Variants in CCSER1 observed in about 807,000 individuals in gnomAD.
CCSER1 encodes coiled-coil serine rich protein 1.
In CCSER1, 41 loss-of-function variants were observed where a neutral mutation model predicts 82.0. The observed-to-expected ratio is 0.50, with a 90% CI of 0.39 to 0.65. CCSER1 has a LOEUF of 0.65. Ranked by LOEUF, CCSER1 falls within the 30% of genes least tolerant of loss-of-function variation. The pLI is 0.00. For synonymous variants in CCSER1, 414 were observed against 383.9 expected (o/e 1.08, Z -0.92); for missense variants, 1,119 against 1,064.2 (o/e 1.05, Z -0.72).
chr4:90,137,187 A>G (rs1374317708), intron 1 of CCSER1, among the ~76,000 whole-genome samples: 4 of 152,236 alleles, frequency 2.6e-5, no homozygotes, highest in Admixed American at 2.6e-4. Context: ...CTTAAAAATT[A>G]AAGTACAGAT....
At chr4:90,158,159 G>T (rs1445981987) in intron 1 of CCSER1, among the ~76,000 whole-genome samples, 1 of 148,520 alleles carries the variant, frequency 6.7e-6, no homozygotes, top group Non-Finnish European at 1.5e-5. Flanking sequence ...TGTTTGCCTG[G>T]GTACCAGCCG....
intron 1 of CCSER1, among the ~76,000 whole-genome samples, chr4:90,294,337 C>A (rs958772106): frequency 9.2e-5 from 14 of 151,734 alleles, no homozygotes; most frequent in Admixed American, 2.6e-4. Context: ...ATAGCGAGAC[C>A]CCGTTCTCCA....
At chr4:91,073,353 A>G (rs1185576436) in intron 9 of CCSER1, among the ~76,000 whole-genome samples, 1 of 152,120 alleles carries the variant, frequency 6.6e-6, no homozygotes. Context: ...AGAATTACAA[A>G]TCTTTAAACT....
chr4:91,036,724 A>T (rs1173592094), intron 9 of CCSER1, among the ~76,000 whole-genome samples: 1 of 152,174 alleles, frequency 6.6e-6, no homozygotes, highest in Non-Finnish European at 1.5e-5. Context: ...TAGAATGGAA[A>T]TAAAAAATAA....
At chr4:91,323,267 G>A (rs1040396506) in intron 10 of CCSER1, among the ~76,000 whole-genome samples, 3 of 152,144 alleles carry the variant, frequency 2.0e-5, no homozygotes, top group Non-Finnish European at 4.4e-5. Flanking sequence ...TAGGCAAAGA[G>A]CAGTGGTTCT....
chr4:91,211,063 T>C (rs4693268), intron 10 of CCSER1, among the ~76,000 whole-genome samples: 94,378 of 151,784 alleles, frequency 0.62, 30,004 homozygotes, highest in East Asian at 0.93. Context: ...TATTGGGAAA[T>C]GATTCATGAT....
chr4:91,077,216 T>C (rs1581489633), intron 9 of CCSER1, among the ~76,000 whole-genome samples: 1 of 152,144 alleles, frequency 6.6e-6, no homozygotes, highest in East Asian at 1.9e-4. Flanking sequence ...GACCAAGCCT[T>C]AGGAACAGGG....
At chr4:90,144,067 A>G (rs1725342611) in intron 1 of CCSER1, among the ~76,000 whole-genome samples, 2 of 152,210 alleles carry the variant, frequency 1.3e-5, no homozygotes, top group Admixed American at 1.3e-4. Flanking sequence ...TCCAAACTGT[A>G]AGATATCTTT....
At chr4:91,366,634 G>C (rs1749632200) in intron 10 of CCSER1, among the ~76,000 whole-genome samples, 1 of 152,166 alleles carries the variant, frequency 6.6e-6, no homozygotes, top group Non-Finnish European at 1.5e-5. Flanking sequence ...AGTAAACAGA[G>C]CTAGCATGCT....
intron 10 of CCSER1, among the ~76,000 whole-genome samples, chr4:91,224,644 A>G (rs1738008436): frequency 6.6e-6 from 1 of 152,094 alleles, no homozygotes; most frequent in Non-Finnish European, 1.5e-5. Flanking sequence ...AATATCAATA[A>G]TTAGGAAACC....
intron 9 of CCSER1, among the ~76,000 whole-genome samples, chr4:91,082,892 A>C (rs1722942024): frequency 6.6e-6 from 1 of 152,252 alleles, no homozygotes; most frequent in Non-Finnish European, 1.5e-5. Context: ...AATGACGATC[A>C]TTAAAAAGTC....
At chr4:90,156,605 T>A (rs1728241668) in intron 1 of CCSER1, among the ~76,000 whole-genome samples, 1 of 152,244 alleles carries the variant, frequency 6.6e-6, no homozygotes, top group Non-Finnish European at 1.5e-5. Flanking sequence ...TCTTGTTGAA[T>A]TGATCCCTTT....
chr4:91,582,828 T>C (rs1373125304), intron 10 of CCSER1, among the ~76,000 whole-genome samples: 1 of 151,446 alleles, frequency 6.6e-6, no homozygotes, highest in Non-Finnish European at 1.5e-5. Context: ...ATGACATGCA[T>C]GTTATAATTC....
chr4:91,484,743 C>A (rs1758128610), intron 10 of CCSER1, among the ~76,000 whole-genome samples: 1 of 152,068 alleles, frequency 6.6e-6, no homozygotes, highest in East Asian at 1.9e-4. Flanking sequence ...GCATCACCTA[C>A]AAATCTATTA....
At chr4:90,683,417 A>C (rs934245096) in intron 6 of CCSER1, among the ~76,000 whole-genome samples, 11 of 152,034 alleles carry the variant, frequency 7.2e-5, no homozygotes, top group Admixed American at 7.2e-4. Flanking sequence ...CATCTTATAT[A>C]CCCTCTATAA....
chr4:91,193,921 G>A (rs925004415), intron 10 of CCSER1, among the ~76,000 whole-genome samples: 2 of 151,544 alleles, frequency 1.3e-5, no homozygotes, highest in South Asian at 2.1e-4. Context: ...ACAATATTTC[G>A]TTGACTCAAC....
intron 10 of CCSER1, among the ~76,000 whole-genome samples, chr4:91,203,051 G>A (rs545111584): frequency 3.3e-5 from 5 of 152,038 alleles, no homozygotes; most frequent in East Asian, 1.9e-4. Flanking sequence ...GTCACTGTCC[G>A]TAGACCAAGA....
At chr4:90,458,359 G>GTT (rs543449056) in intron 4 of CCSER1, among the ~76,000 whole-genome samples, 7 of 147,072 alleles carry the variant, frequency 4.8e-5, no homozygotes, top group Non-Finnish European at 7.5e-5. Context: ...GCCACAATAA[G>GTT]TTTTTTTTTT....
intron 5 of CCSER1, among the ~76,000 whole-genome samples, chr4:90,555,050 T>G (rs969756010): frequency 6.6e-6 from 1 of 152,188 alleles, no homozygotes; most frequent in Non-Finnish European, 1.5e-5. Context: ...CTAATTACCA[T>G]GTTCTCAGTG....
Sources: gnomAD v4.1 joint callset for allele counts (sites outside exome capture counted in the v4.1 genomes callset) on GRCh38, gnomAD v4.1.1 for gene constraint, MANE v1.5 for transcripts, NCBI Gene and HGNC (gene_info 2026-07-23, HGNC 2026-07-21) for gene names.